The following USP28 variants were observed in gnomAD, a reference collection of about 807,000 sequenced individuals.
USP28 encodes ubiquitin specific peptidase 28.
Under a neutral mutation model 145.0 loss-of-function variants are expected in USP28, and 113 were observed. The ratio of observed to expected loss-of-function variants is 0.78; its 90% CI spans 0.67 to 0.91. The LOEUF is 0.91. Ranked by LOEUF, USP28 falls within the 40% of genes least tolerant of loss-of-function variation. USP28 has a pLI of 0.00. For missense variants in USP28, 1,201 were observed against 1,289.6 expected (o/e 0.93, Z 1.05); for synonymous variants, 447 against 450.9 (o/e 0.99, Z 0.11).
intron 16 of USP28, among the ~76,000 whole-genome samples, chr11:113,810,028 C>A (rs576367644): frequency 8.0e-5 from 10 of 124,792 alleles, no homozygotes; most frequent in Non-Finnish European, 1.6e-4. Flanking sequence ...GAGTGAGACT[C>A]CATCTCAAAA....
intron 1 of USP28, among the ~76,000 whole-genome samples, chr11:113,861,753 C>A (rs1340260749): frequency 6.6e-6 from 1 of 152,108 alleles, no homozygotes; most frequent in Non-Finnish European, 1.5e-5. Flanking sequence ...TACATAATGT[C>A]CTATACCTTG....
At chr11:113,818,860 C>CA (rs1942162778) in intron 12 of USP28, among the ~76,000 whole-genome samples, 1 of 127,038 alleles carries the variant, frequency 7.9e-6, no homozygotes, top group African/African-American at 2.9e-5. Flanking sequence ...GACTCTGTCT[C>CA]AAAAAAAGCA....
intron 1 of USP28, among the ~76,000 whole-genome samples, chr11:113,872,431 G>A (rs888830151): frequency 1.3e-4 from 19 of 151,510 alleles, no homozygotes; most frequent in Non-Finnish European, 2.8e-4. Flanking sequence ...AGCTTGCAGT[G>A]AGCAGAGATC....
chr11:113,854,494 C>CA (rs1946831055), intron 1 of USP28, among the ~76,000 whole-genome samples, 159 bp from the exon 2 acceptor site: 1 of 152,210 alleles, frequency 6.6e-6, no homozygotes, highest in Non-Finnish European at 1.5e-5. Flanking sequence ...CTCCGCCTCC[C>CA]AGGTTCAAGC....
At chr11:113,841,918 T>A in intron 3 of USP28, 150 bp from the exon 4 acceptor site, 1 of 458,676 alleles carries the variant, frequency 2.2e-6, no homozygotes, top group East Asian at 3.4e-5. Context: ...CATAGTCAAA[T>A]GAGTAACTTC....
intron 11 of USP28, among the ~76,000 whole-genome samples, chr11:113,824,789 G>A (rs958490666): frequency 1.3e-5 from 2 of 151,736 alleles, no homozygotes; most frequent in African/African-American, 4.8e-5. Context: ...AAATTAGCTG[G>A]GCGTTGTGGC....
rs772640789 is a variant in USP28, at chr11:113,803,190, C to T, written c.2830G>A (p.Val944Met). The T allele has an allele frequency of 1.7e-5, 27 of 1,613,920 alleles. No homozygotes were observed. Among genetic ancestry groups the T allele is most frequent in the Middle Eastern group, 3.3e-4 (2 of 6,082 alleles). ...CATTTTCTTCGGTATAAAGCAATCA[C>T]GGATTCTTTGACCCCCCGGCGGGGC... Residue 944 changes from valine to methionine, a missense_variant, in exon 23 of 25, where the codon GTG becomes ATG. By Grantham distance (21) the Val-to-Met change is conservative (BLOSUM62 1). Coordinates refer to ENST00000003302, the Ensembl canonical transcript of USP28.
At chr11:113,875,350 T>C in intron 1 of USP28, 95 bp downstream of exon 1, 1 of 1,045,900 alleles carries the variant, frequency 9.6e-7, no homozygotes, top group Non-Finnish European at 1.2e-6. Context: ...CGGGGCGCCC[T>C]CCGCAGCCCG....
At chr11:113,803,687 T>C in intron 22 of USP28, 111 bp downstream of exon 23, 2 of 807,892 alleles carry the variant, frequency 2.5e-6, no homozygotes, top group Non-Finnish European at 2.0e-6. Flanking sequence ...CACACTAGTG[T>C]ATGTGACAAG....
intron 7 of USP28, among the ~76,000 whole-genome samples, chr11:113,832,793 C>T (rs1341028262): frequency 1.3e-5 from 2 of 151,932 alleles, no homozygotes; most frequent in Non-Finnish European, 2.9e-5. Context: ...TTTTCAGAGA[C>T]GGGGTCTCAC....
At chr11:113,847,009 T>TAATA (rs1345536927) in intron 3 of USP28, among the ~76,000 whole-genome samples, 1 of 152,004 alleles carries the variant, frequency 6.6e-6, no homozygotes, top group Non-Finnish European at 1.5e-5. Context: ...ATAAATAAAT[T>TAATA]AATAAATAAT....
chr11:113,831,792 A>T, intron 8 of USP28, 128 bp downstream of exon 8: 1 of 753,704 alleles, frequency 1.3e-6, no homozygotes, highest in Non-Finnish European at 2.2e-6. Flanking sequence ...GGACTACCTC[A>T]GTGGTTATCC....
intron 4 of USP28, 115 bp downstream of exon 4, chr11:113,841,548 A>T: frequency 1.5e-6 from 1 of 657,320 alleles, no homozygotes; most frequent in East Asian, 2.8e-5. Context: ...ATTTCTCCTA[A>T]AAGAAATGTC....
chr11:113,804,995 T>TGG lies in USP28; in HGVS notation c.2450_2451dup (p.Thr818ProfsTer25). 6.2e-7 allele frequency: 1 copy of TGG among 1,613,772 alleles called. No individual in the cohort carries two copies. The highest frequency in any genetic ancestry group is 1.1e-5 in the South Asian group (1 of 91,056). On this transcript the variant is annotated frameshift_variant, in exon 20 of 25. Transcript: ENST00000003302. LOFTEE classifies it high-confidence loss of function. ...TGAAGTCGAGGATCACTGTGAGAGG[T>TGG]GGGGGTCTCTTTGGCAAGCTGATAG...
chr11:113,813,996 C>T, intron 14 of USP28, 41 bp from the exon 15 acceptor site: 2 of 1,468,754 alleles, frequency 1.4e-6, no homozygotes, highest in Non-Finnish European at 1.9e-6. Flanking sequence ...CTAAAATGAT[C>T]TCATTCTATG....
intron 21 of USP28, 118 bp downstream of exon 22, chr11:113,804,555 G>C (rs898006160): frequency 5.3e-5 from 44 of 831,496 alleles, no homozygotes; most frequent in Non-Finnish European, 7.6e-5. Flanking sequence ...AGGATTTTGA[G>C]GGGAAAGTGG....
At chr11:113,805,027 G>T (rs1345769512) in exon 20 of USP28, 15 of 1,613,976 alleles carry the variant, frequency 9.3e-6, no homozygotes, top group Non-Finnish European at 1.3e-5. Context: ...ATAGAGCCTG[G>T]AGTATTCTTC....
chr11:113,867,801 A>AAGAAGGAAGGGG (rs1565514243), intron 1 of USP28, among the ~76,000 whole-genome samples: 1 of 75,368 alleles, frequency 1.3e-5, no homozygotes, highest in Non-Finnish European at 2.4e-5. Context: ...GAAAGAAGGA[A>AAGAAGGAAGGGG]GGGGGGAGGG....
At chr11:113,812,739 C>T (rs1366779477) in intron 15 of USP28, among the ~76,000 whole-genome samples, 1 of 152,198 alleles carries the variant, frequency 6.6e-6, no homozygotes, top group Non-Finnish European at 1.5e-5. Flanking sequence ...AAGACTCTTT[C>T]AACTCTAAAC....
Sources: allele counts gnomAD v4.1 joint callset (sites outside exome capture counted in the v4.1 genomes callset), GRCh38; gene constraint gnomAD v4.1.1; transcripts MANE v1.5; gene names NCBI Gene and HGNC (gene_info 2026-07-23, HGNC 2026-07-21).